CEACAM21: variants seen among roughly 807,000 people sequenced by gnomAD.
CEACAM21 encodes the protein cell adhesion molecule CEACAM21.
CEACAM21 carries 38 observed loss-of-function variants against 33.2 expected under a neutral mutation model. That is an observed-to-expected ratio of 1.14 (90% CI 0.88 to 1.50). CEACAM21 has a LOEUF of 1.50. Among genes scored for constraint, CEACAM21 ranks in the 40% most tolerant of loss-of-function variants. The pLI is 0.00. For missense variants in CEACAM21, 385 were observed against 364.6 expected (o/e 1.06, Z -0.46); for synonymous variants, 156 against 143.0 (o/e 1.09, Z -0.65).
intron 6 of CEACAM21, chr19:41,586,108 C>G: frequency 1.6e-6 from 1 of 608,638 alleles, no homozygotes; most frequent in Non-Finnish European, 2.9e-6. Context: ...TCCTACACAG[C>G]AGGAATCCTT....
intron 2 of CEACAM21, among the ~76,000 whole-genome samples, chr19:41,569,964 C>A (rs1318205470): frequency 6.6e-6 from 1 of 152,200 alleles, no homozygotes; most frequent in East Asian, 1.9e-4. Flanking sequence ...GCTCCTCCCC[C>A]TGGCCCAGCT....
chr19:41,580,915 C>G (rs545268041), intron 3 of CEACAM21, among the ~76,000 whole-genome samples: 3 of 152,338 alleles, frequency 2.0e-5, no homozygotes, highest in African/African-American at 7.2e-5. Context: ...CAGTGACCAG[C>G]CTCATTCTGA....
chr19:41,571,335 G>T (rs1555789474), upstream of CEACAM21, among the ~76,000 whole-genome samples: 1 of 152,176 alleles, frequency 6.6e-6, no homozygotes, highest in African/African-American at 2.4e-5. Flanking sequence ...CCAGGAGAAG[G>T]CATGTTTAGA....
intron 1 of CEACAM21, among the ~76,000 whole-genome samples, chr19:41,554,482 C>T (rs2041420772): frequency 6.6e-6 from 1 of 151,952 alleles, no homozygotes; most frequent in Non-Finnish European, 1.5e-5. Context: ...ATAGGAGTCT[C>T]CCATAACTTT....
At chr19:41,552,327 G>A (rs1399449283) in intron 1 of CEACAM21, 1 of 152,098 alleles carries the variant, frequency 6.6e-6, no homozygotes, top group African/African-American at 2.4e-5. Context: ...TGTTTGTGGA[G>A]GCCTGGCGAG....
Position 41,579,421 on chromosome 19 carries a change from A to G in CEACAM21, c.493A>G (p.Thr165Ala). Residue 165 changes from threonine to alanine, a missense_variant, in exon 3 of 7, where the codon ACC (threonine) becomes GCC (alanine). Transcript: ENST00000401445. ...CACAGAGAAGGGCTCCGTGGTCCTG[A>G]CCTGCCACACAAATAACACTGGAAC... ...TVTEKGSVVL[T>A]CHTNNTGTSF... The G allele has an allele frequency of 1.2e-6, 2 of 1,613,202 alleles. No homozygotes were observed. The highest frequency in any genetic ancestry group is 1.3e-5 in the African/African-American group (1 of 74,962).
chr19:41,583,467 T>A (rs1383092263), intron 3 of CEACAM21, among the ~76,000 whole-genome samples: 2 of 152,182 alleles, frequency 1.3e-5, no homozygotes, highest in Non-Finnish European at 2.9e-5. Context: ...CTCCACTAGC[T>A]GGTACCAATT....
At chr19:41,583,261 T>A (rs2070449657) in intron 3 of CEACAM21, among the ~76,000 whole-genome samples, 1 of 152,168 alleles carries the variant, frequency 6.6e-6, no homozygotes, top group African/African-American at 2.4e-5. Flanking sequence ...TCCTCATCTC[T>A]GTCTGAGACC....
rs139335743 is a variant in CEACAM21 at position 41,556,710 on chromosome 19, G to A, written c.-779+7158G>A. Among the ~76,000 whole-genome samples, 121 of 152,308 alleles carry A rather than the reference G, an allele frequency of 7.9e-4. 1 individual carries two copies. Among genetic ancestry groups the A allele is most frequent in the African/African-American group, 2.7e-3 (114 of 41,570 alleles). ...GGAATTGAACCCAGGCCATGGTGGC[G>A]AAGGCATAAACTTGAAGCTAGGCCA... is the stretch of plus-strand genomic sequence containing the variant. On this transcript the variant is annotated intron_variant, in intron 1 of 7. Transcript: ENST00000407170.
At chr19:41,556,950 A>C (rs986556937) in intron 1 of CEACAM21, among the ~76,000 whole-genome samples, 1 of 152,208 alleles carries the variant, frequency 6.6e-6, no homozygotes, top group Non-Finnish European at 1.5e-5. Flanking sequence ...AGGAATCTAA[A>C]ATCTTTTTAT....
chr19:41,553,065 A>C (rs1555784792), intron 1 of CEACAM21, among the ~76,000 whole-genome samples: 3 of 152,086 alleles, frequency 2.0e-5, no homozygotes. Context: ...ATTTAAAAAC[A>C]GGTGTACTAT....
chr19:41,584,943 T>G (rs114458020), intron 4 of CEACAM21, among the ~76,000 whole-genome samples: 2 of 152,336 alleles, frequency 1.3e-5, no homozygotes, highest in South Asian at 4.1e-4. Context: ...TCCTGGAATG[T>G]CGTTTATGTC....
At chr19:41,574,847 C>A (rs2042832658), upstream of CEACAM21, among the ~76,000 whole-genome samples, 1 of 152,114 alleles carries the variant, frequency 6.6e-6, no homozygotes, top group Admixed American at 6.5e-5. Context: ...TATGTACCCC[C>A]AAAGAAATGA....
intron 3 of CEACAM21, among the ~76,000 whole-genome samples, chr19:41,582,579 G>A (rs2043491571): frequency 6.6e-6 from 1 of 152,224 alleles, no homozygotes; most frequent in Admixed American, 6.5e-5. Flanking sequence ...TCTAGGCGAA[G>A]GTTCCCAAAC....
intron 6 of CEACAM21, chr19:41,586,111 G>T: frequency 1.6e-6 from 1 of 607,874 alleles, no homozygotes; most frequent in South Asian, 1.9e-5. Context: ...TACACAGCAG[G>T]AATCCTTCCC....
upstream of CEACAM21, among the ~76,000 whole-genome samples, chr19:41,575,751 G>A (rs560714724): frequency 9.2e-5 from 14 of 152,206 alleles, 1 homozygote; most frequent in African/African-American, 2.6e-4. Context: ...TGAAGATAGC[G>A]GGTGGGTCCT....
rs1555795007 is a variant in CEACAM21 at position 41,585,455 on chromosome 19, G to T, written c.810G>T (p.Gln270His). ...LLRKTGRASD[Q>H]SDFREQQPPA... Reference sequence around the variant, plus strand: ...TGACCTTTCCTAGGGCCAGCGATCAGAGTGACTTCAGGGAGCAGCAGCCCC... The same window carrying T: ...TGACCTTTCCTAGGGCCAGCGATCATAGTGACTTCAGGGAGCAGCAGCCCC... The change falls in exon 5 of 7, where the codon CAG (glutamine) becomes CAT (histidine). Residue 270 changes from glutamine to histidine, a missense_variant. Coordinates refer to ENST00000401445, the MANE Select transcript of CEACAM21 (RefSeq NM_001098506.4). 18 of 1,613,818 alleles carry T rather than the reference G, an allele frequency of 1.1e-5. No individual in the cohort carries two copies. Among genetic ancestry groups the T allele is most frequent in the Non-Finnish European group, 1.3e-5 (15 of 1,179,792 alleles).
At chr19:41,573,612 C>T (rs1056801742), upstream of CEACAM21, among the ~76,000 whole-genome samples, 11 of 152,332 alleles carry the variant, frequency 7.2e-5, no homozygotes, top group South Asian at 2.3e-3. Context: ...ATGAATATAA[C>T]TCCACCAACA....
intron 2 of CEACAM21, 25 bp downstream of exon 2, chr19:41,577,584 G>T (rs1555791828): frequency 1.2e-6 from 2 of 1,609,930 alleles, no homozygotes; most frequent in Non-Finnish European, 1.7e-6. Flanking sequence ...CGTGCCTCTG[G>T]GTGTTGGGGG....
Sources: allele counts gnomAD v4.1 joint callset (sites outside exome capture counted in the v4.1 genomes callset), GRCh38; gene constraint gnomAD v4.1.1; transcripts MANE v1.5; gene names NCBI Gene and HGNC (gene_info 2026-07-23, HGNC 2026-07-21).